Variants in MNAT1 observed in about 807,000 individuals in gnomAD.
MNAT1 encodes the protein MNAT1 component of CDK activating kinase.
In MNAT1, 43 loss-of-function variants were observed where a neutral mutation model predicts 42.0. The observed-to-expected ratio is 1.02, with a 90% CI of 0.80 to 1.32. The LOEUF (loss-of-function observed/expected upper bound fraction) is 1.32, where lower values mean the gene tolerates loss of function less well. MNAT1 is among the 40% of genes most tolerant of loss of function. The probability of loss-of-function intolerance (pLI) is 0.00; values close to 1 mark genes in which losing one functional copy is unlikely to be tolerated. For missense variants in MNAT1, 306 were observed against 350.4 expected (o/e 0.87, Z 1.01); for synonymous variants, 118 against 120.0 (o/e 0.98, Z 0.11).
intron 1 of MNAT1, among the ~76,000 whole-genome samples, chr14:60,738,865 ATAGT>A (rs1305371516): frequency 6.6e-6 from 1 of 152,048 alleles, no homozygotes; most frequent in African/African-American, 2.4e-5. Flanking sequence ...AAATTTTTTG[ATAGT>A]TTGTTGAGTT....
chr14:60,813,355 T>C (rs191059751), intron 5 of MNAT1, among the ~76,000 whole-genome samples: 23 of 152,220 alleles, frequency 1.5e-4, no homozygotes, highest in Non-Finnish European at 5.9e-5. Context: ...TTGAGTGCAG[T>C]GGGTCTAGTA....
At chr14:60,765,496 A>G (rs926817883) in intron 1 of MNAT1, among the ~76,000 whole-genome samples, 3 of 152,172 alleles carry the variant, frequency 2.0e-5, no homozygotes, top group African/African-American at 7.2e-5. Flanking sequence ...CGTTCTGCAC[A>G]TGTATCCCAG....
chr14:60,884,103 G>T (rs2034609614), intron 7 of MNAT1, among the ~76,000 whole-genome samples: 2 of 151,860 alleles, frequency 1.3e-5, no homozygotes, highest in Non-Finnish European at 2.9e-5. Context: ...CCAGTTCTGT[G>T]TTGAATAGCA....
chr14:60,771,618 A>G (rs974341749), intron 1 of MNAT1, among the ~76,000 whole-genome samples: 6 of 152,160 alleles, frequency 3.9e-5, no homozygotes, highest in Non-Finnish European at 7.4e-5. Context: ...TTACATGATC[A>G]TTCTCCAGCT....
intron 7 of MNAT1, among the ~76,000 whole-genome samples, chr14:60,949,970 A>G (rs890876553): frequency 6.6e-6 from 1 of 152,154 alleles, no homozygotes; most frequent in African/African-American, 2.4e-5. Context: ...TAGTCCTTTG[A>G]CTTAGATATT....
At chr14:60,857,430 G>C (rs2033988749) in intron 6 of MNAT1, among the ~76,000 whole-genome samples, 1 of 152,166 alleles carries the variant, frequency 6.6e-6, no homozygotes, top group Admixed American at 6.5e-5. Context: ...AAACTTGAAT[G>C]GATGAGGAGT....
chr14:60,919,595 G>C (rs545385344), intron 7 of MNAT1: 3 of 153,118 alleles, frequency 2.0e-5, no homozygotes, highest in Non-Finnish European at 4.4e-5. Flanking sequence ...TGAACTGGTA[G>C]TAGGATTCCT....
chr14:60,829,166 A>G (rs538054526), intron 6 of MNAT1, among the ~76,000 whole-genome samples: 6 of 152,262 alleles, frequency 3.9e-5, no homozygotes, highest in African/African-American at 1.2e-4. Flanking sequence ...TCCCTTTGCA[A>G]TAAGCCCCTG....
intron 1 of MNAT1, among the ~76,000 whole-genome samples, chr14:60,747,655 A>T (rs1298862196): frequency 6.6e-6 from 1 of 152,170 alleles, no homozygotes; most frequent in East Asian, 1.9e-4. Flanking sequence ...AAGGCCTAGG[A>T]TATTACTATA....
chr14:60,887,622 A>G (rs1459655102), intron 7 of MNAT1, among the ~76,000 whole-genome samples: 1 of 151,892 alleles, frequency 6.6e-6, no homozygotes, highest in African/African-American at 2.4e-5. Context: ...GGAAATAGAG[A>G]CACAAAAAAC....
At chr14:60,826,372 A>G (rs1353162430) in intron 6 of MNAT1, among the ~76,000 whole-genome samples, 1 of 137,236 alleles carries the variant, frequency 7.3e-6, no homozygotes, top group Admixed American at 8.1e-5. Flanking sequence ...GCTGGAGTGC[A>G]GTGATGTGAT....
chr14:60,933,631 T>C (rs1036581595), intron 7 of MNAT1, among the ~76,000 whole-genome samples: 1 of 152,218 alleles, frequency 6.6e-6, no homozygotes, highest in Admixed American at 6.5e-5. Context: ...CCTTCCTTTG[T>C]TATTTAAGTA....
At chr14:60,828,946 G>C (rs547034415) in intron 6 of MNAT1, among the ~76,000 whole-genome samples, 7 of 152,114 alleles carry the variant, frequency 4.6e-5, no homozygotes, top group Non-Finnish European at 7.4e-5. Context: ...ATGCCCTCTC[G>C]GGGTGGGCTA....
intron 5 of MNAT1, among the ~76,000 whole-genome samples, chr14:60,812,893 T>C (rs2032597503): frequency 6.6e-6 from 1 of 152,172 alleles, no homozygotes; most frequent in Non-Finnish European, 1.5e-5. Flanking sequence ...TAACCATCCC[T>C]GTGACCTCAT....
intron 1 of MNAT1, among the ~76,000 whole-genome samples, chr14:60,768,791 G>T (rs1594739463): frequency 6.6e-6 from 1 of 152,306 alleles, no homozygotes; most frequent in East Asian, 1.9e-4. Context: ...CCTAGATTCA[G>T]CTAGGCCTCA....
intron 1 of MNAT1, among the ~76,000 whole-genome samples, chr14:60,742,399 G>GTTA (rs763107919): frequency 1.1e-4 from 16 of 151,742 alleles, no homozygotes; most frequent in Non-Finnish European, 2.2e-4. Context: ...ACTCCTCATT[G>GTTA]TTATTATTAT....
chr14:60,770,374 C>T (rs546949668), intron 1 of MNAT1, among the ~76,000 whole-genome samples: 15 of 152,146 alleles, frequency 9.9e-5, no homozygotes, highest in South Asian at 4.1e-4. Context: ...TGTGTTAATG[C>T]TCCAATGAAC....
intron 6 of MNAT1, among the ~76,000 whole-genome samples, chr14:60,848,237 C>G (rs1048320709): frequency 7.2e-5 from 11 of 152,162 alleles, no homozygotes; most frequent in African/African-American, 2.7e-4. Context: ...CCACTACCTT[C>G]TGACTTCTAT....
chr14:60,926,234 C>T lies in MNAT1; in HGVS notation c.810-41995C>T, dbSNP rs530291753. Among the ~76,000 whole-genome samples, 20 of 152,330 alleles carry T rather than the reference C, an allele frequency of 1.3e-4. No individual in the cohort carries two copies. In the South Asian group the frequency reaches 1.4e-3, roughly 11 times the overall value. ...CACACACCACAGTCAATACTTCTGA[C>T]GACAGGTGTTGTGGGGTTTTCCCCC... On this transcript the variant is annotated intron_variant, in intron 7 of 7. Transcript: ENST00000261245.
Sources: allele counts gnomAD v4.1 joint callset (sites outside exome capture counted in the v4.1 genomes callset), GRCh38; gene constraint gnomAD v4.1.1; transcripts MANE v1.5; gene names NCBI Gene and HGNC (gene_info 2026-07-23, HGNC 2026-07-21).